GSG1L: variants seen among roughly 807,000 people sequenced by gnomAD.
GSG1L encodes germ cell-specific gene 1-like protein.
A neutral mutation model predicts 42.1 loss-of-function variants in GSG1L; 24 were observed. The observed-to-expected ratio is 0.57, with a 90% confidence interval of 0.41 to 0.80. The LOEUF (loss-of-function observed/expected upper bound fraction) is 0.80. GSG1L is among the 30% of genes least tolerant of loss of function. GSG1L has a pLI of 0.00. For synonymous variants in GSG1L, 215 were observed against 203.5 expected (o/e 1.06, Z -0.48); for missense variants, 445 against 472.2 (o/e 0.94, Z 0.53).
At chr16:28,025,489 G>A (rs1050384637) in intron 1 of GSG1L, among the ~76,000 whole-genome samples, 2 of 152,134 alleles carry the variant, frequency 1.3e-5, no homozygotes, top group African/African-American at 4.8e-5. Flanking sequence ...CTCACTGCTG[G>A]ATCAATTTCA....
chr16:27,950,942 C>T (rs536229407), intron 2 of GSG1L, among the ~76,000 whole-genome samples: 1 of 152,316 alleles, frequency 6.6e-6, no homozygotes, highest in Admixed American at 6.5e-5. Context: ...TCTGTCTCCC[C>T]TCACGGATTG....
intron 3 of GSG1L, among the ~76,000 whole-genome samples, chr16:27,851,702 T>C (rs780223516): frequency 1.3e-5 from 2 of 152,176 alleles, no homozygotes; most frequent in Non-Finnish European, 2.9e-5. Flanking sequence ...TCCGTGCTCA[T>C]GAATTTAAAG....
intron 2 of GSG1L, among the ~76,000 whole-genome samples, chr16:27,935,633 C>T (rs140591070): frequency 1.1e-4 from 17 of 151,924 alleles, no homozygotes; most frequent in Admixed American, 7.2e-4. Flanking sequence ...CAAATCAGAT[C>T]GTGCCACCTG....
intron 5 of GSG1L, among the ~76,000 whole-genome samples, chr16:27,818,950 G>C (rs191618162): frequency 2.0e-5 from 3 of 152,228 alleles, no homozygotes; most frequent in Non-Finnish European, 4.4e-5. Flanking sequence ...CCAATACTGG[G>C]TTTTAAAAAG....
intron 3 of GSG1L, among the ~76,000 whole-genome samples, chr16:27,855,734 A>AAC (rs2083569582): frequency 6.6e-6 from 1 of 150,962 alleles, no homozygotes; most frequent in African/African-American, 2.4e-5. Flanking sequence ...AAAAAAAAAA[A>AAC]AAAAAAGAGA....
At chr16:27,842,610 G>T (rs944044494) in intron 4 of GSG1L, among the ~76,000 whole-genome samples, 1 of 152,010 alleles carries the variant, frequency 6.6e-6, no homozygotes, top group Non-Finnish European at 1.5e-5. Context: ...AGGGGGAAGG[G>T]TTGGGTAAAG....
intron 2 of GSG1L, among the ~76,000 whole-genome samples, chr16:27,927,094 CCCCT>C (rs1327329693): frequency 6.6e-6 from 1 of 152,090 alleles, no homozygotes; most frequent in Admixed American, 6.5e-5. Context: ...CCTCTCGAAG[CCCCT>C]CCAATCTACT....
Position 27,807,146 on chromosome 16 carries a change from T to C in GSG1L, c.898+341A>G, listed in dbSNP as rs755424953. The stretch of plus-strand genomic sequence containing the variant: ...CAAACAACTCCTGTCCACGGTCACC[T>C]CCCTGCCTCGGCTCCTTCTAGCCAG... On this transcript the variant is annotated intron_variant, in intron 6 of 6. Transcript: ENST00000447459. Among the ~76,000 whole-genome samples the C allele has an allele frequency of 4.3e-4, 65 of 152,168 alleles. 1 individual carries two copies. Among genetic ancestry groups the C allele is most frequent in the Non-Finnish European group, 5.3e-4 (36 of 68,016 alleles).
intron 2 of GSG1L, among the ~76,000 whole-genome samples, chr16:27,947,201 A>G (rs1489570166): frequency 3.3e-5 from 5 of 152,100 alleles, no homozygotes; most frequent in Non-Finnish European, 5.9e-5. Context: ...ATCACAGCTC[A>G]CTGCAGTCTC....
At chr16:27,984,283 C>A (rs1429422078) in intron 1 of GSG1L, among the ~76,000 whole-genome samples, 2 of 152,092 alleles carry the variant, frequency 1.3e-5, no homozygotes, top group Non-Finnish European at 1.5e-5. Context: ...CTGCTCACTG[C>A]AGAACATGTA....
At chr16:27,869,623 TCTGCGTCTCCATCTCTCTCTC>T (rs557582967) in intron 3 of GSG1L, among the ~76,000 whole-genome samples, 1,773 of 131,070 alleles carry the variant, frequency 0.014, 89 homozygotes, top group African/African-American at 0.05. Flanking sequence ...CTCTCTCCTC[TCTGCGTCTCCATCTCTCTCTC>T]CTCTCTGTCT....
chr16:27,794,544 G>C (rs938570648), intron 6 of GSG1L, among the ~76,000 whole-genome samples: 1 of 151,780 alleles, frequency 6.6e-6, no homozygotes, highest in Non-Finnish European at 1.5e-5. Flanking sequence ...TGTTAGCCAG[G>C]ATGGTCTCAA....
intron 5 of GSG1L, among the ~76,000 whole-genome samples, chr16:27,808,762 C>T (rs980665848): frequency 6.6e-6 from 1 of 152,206 alleles, no homozygotes; most frequent in South Asian, 2.1e-4. Context: ...TCCCCACCAA[C>T]AATTGCAAGA....
chr16:27,927,408 G>A (rs376471576), intron 2 of GSG1L, among the ~76,000 whole-genome samples: 5 of 152,184 alleles, frequency 3.3e-5, no homozygotes, highest in South Asian at 2.1e-4. Flanking sequence ...ACCTCTCGCC[G>A]GAATCCTTCA....
chr16:27,841,232 G>A (rs1334942905), intron 4 of GSG1L, among the ~76,000 whole-genome samples: 1 of 152,096 alleles, frequency 6.6e-6, no homozygotes, highest in Non-Finnish European at 1.5e-5. Context: ...AGGGGCAGGG[G>A]CAGGATCTGA....
chr16:27,888,487 CTTTCTTTCTTTCTTTCT>C (rs2084072190), intron 2 of GSG1L, among the ~76,000 whole-genome samples: 1 of 13,128 alleles, frequency 7.6e-5, no homozygotes, highest in Non-Finnish European at 1.4e-4. Context: ...TCTTTCCTTT[CTTTCTTTCTTTCTTTCT>C]TTCTTTCTTT....
In GSG1L at chr16:27,997,309, C is replaced by CTTTTTTT. The variant is rs34188570; in HGVS notation, c.350-34113_350-34107dup. ...GCCTACAGCTGGGAAGTGTTCTCCACTTTTTTTTTTTTTTTTTTTTTTTTT... is the reference window on the plus strand; with the variant it reads ...GCCTACAGCTGGGAAGTGTTCTCCACTTTTTTTTTTTTTTTTTTTTTTTTTTTTTTTT... On this transcript the variant is annotated intron_variant, in intron 1 of 6. Transcript: ENST00000447459. Among the ~76,000 whole-genome samples the CTTTTTTT allele has an allele frequency of 9.9e-5, 7 of 70,594 alleles. 1 individual carries two copies. Among genetic ancestry groups the CTTTTTTT allele is most frequent in the East Asian group, 1.3e-3 (2 of 1,548 alleles). The allele number at this position is 70,594 out of a possible 152,430, so 46.3% of individuals were successfully genotyped here.
At chr16:27,844,901 C>T in intron 4 of GSG1L, 49 bp downstream of exon 4, 1 of 906,188 alleles carries the variant, frequency 1.1e-6, no homozygotes, top group Non-Finnish European at 1.6e-6. Flanking sequence ...TCCCAGCGTG[C>T]CTTGGGCCCT....
intron 2 of GSG1L, among the ~76,000 whole-genome samples, chr16:27,930,233 A>G (rs935864426): frequency 6.6e-6 from 1 of 152,090 alleles, no homozygotes; most frequent in African/African-American, 2.4e-5. Context: ...AGTTTTACAG[A>G]GTGCCTACTA....
Sources: allele counts gnomAD v4.1 joint callset (sites outside exome capture counted in the v4.1 genomes callset), GRCh38; gene constraint gnomAD v4.1.1; transcripts MANE v1.5; gene names NCBI Gene and HGNC (gene_info 2026-07-23, HGNC 2026-07-21).